Variants in INTS1 observed in about 807,000 individuals in gnomAD.
INTS1 encodes integrator complex subunit 1.
INTS1 carries 137 observed loss-of-function variants against 241.6 expected under a neutral mutation model. The ratio of observed to expected loss-of-function variants is 0.57; its 90% CI spans 0.49 to 0.65. The LOEUF (loss-of-function observed/expected upper bound fraction) is 0.65. Among genes scored for constraint, INTS1 ranks in the 30% least tolerant of loss-of-function variants. INTS1 has a pLI of 0.00. For synonymous variants in INTS1, 1,692 were observed against 1,337.8 expected (o/e 1.26, Z -5.78); for missense variants, 3,073 against 3,032.2 (o/e 1.01, Z -0.32).
In INTS1 at chr7:1,476,007, C is replaced by A. The variant is rs1181195517; in HGVS notation, c.5443G>T (p.Val1815Leu). The change falls in exon 39 of 48, where the codon GTG becomes TTG. Residue 1815 changes from valine (V) to leucine (L), a missense_variant. Physicochemically the swap from Val to Leu is conservative, Grantham distance 32 (BLOSUM62 1). Transcript: ENST00000404767. ...QLYLQRPELR[V>L]PVPEVLLHSE... ...TGCAGTAGGACCTCAGGCACGGGCA[C>A]CCGCAGCTCCGGCCGCTGTAGGTAG... 1.3e-6 allele frequency: 2 copies of A among 1,545,850 alleles called. No homozygotes were observed. Among genetic ancestry groups the A allele is most frequent in the East Asian group, 4.9e-5 (2 of 40,900 alleles).
chr7:1,502,650 G>T (rs1429765487), intron 3 of INTS1, among the ~76,000 whole-genome samples: 2 of 152,184 alleles, frequency 1.3e-5, no homozygotes, highest in Admixed American at 1.3e-4. Flanking sequence ...ACAGACACAT[G>T]AGACAAACAA....
At chr7:1,503,225 T>C (rs781486045) in intron 2 of INTS1, 34 bp from the exon 3 acceptor site, 474 of 1,512,458 alleles carry the variant, frequency 3.1e-4, no homozygotes, top group Non-Finnish European at 3.9e-4. Flanking sequence ...CCGGGCACAT[T>C]TGCAACACCC....
rs1043584312 is a variant in INTS1, at chr7:1,474,283, A to G, written c.5714T>C (p.Leu1905Pro). ...NFQEFRQQNHLSCFLHVLGLL... is the reference protein window; with the variant it reads ...NFQEFRQQNHPSCFLHVLGLL... ...GCCCAGCACGTGCAGGAAGCAGCTC[A>G]GGTGGTTCTGCTGCCGGAACTCCTG... is the stretch of plus-strand genomic sequence containing the variant. Residue 1905 changes from leucine (L) to proline (P), a missense_variant, in exon 41 of 48, where the codon CTG becomes CCG. Leu to Pro is a moderately conservative substitution (Grantham distance 98, BLOSUM62 -3). Coordinates refer to ENST00000404767, the MANE Select transcript of INTS1 (RefSeq NM_001080453.3). The G allele has an allele frequency of 1.0e-4, 166 of 1,608,692 alleles. No individual in the cohort carries two copies. Among genetic ancestry groups the G allele is most frequent in the Non-Finnish European group, 1.4e-4 (160 of 1,179,046 alleles).
Position 1,500,234 on chromosome 7 carries a change from T to G in INTS1, c.482A>C (p.Tyr161Ser), listed in dbSNP as rs1187189679. ...VTRAKPDSTL[Y>S]LSLMYLAKIK... Reference sequence around the variant, plus strand: ...CTTGGCCAGGTACATGAGGCTCAGGTAGAGGGTGCTGTCAGGCTTGGCGCG... The same window carrying G: ...CTTGGCCAGGTACATGAGGCTCAGGGAGAGGGTGCTGTCAGGCTTGGCGCG... Residue 161 changes from tyrosine to serine, a missense_variant, in exon 4 of 48, where the codon TAC (tyrosine) becomes TCC (serine). Transcript: ENST00000404767. 5 of 1,605,302 alleles carry G rather than the reference T, an allele frequency of 3.1e-6. No homozygotes were observed. The highest frequency in any genetic ancestry group is 4.3e-6 in the Non-Finnish European group (5 of 1,175,432).
intron 12 of INTS1, 73 bp from the exon 13 acceptor site, chr7:1,495,626 C>G (rs1782811565): frequency 6.5e-7 from 1 of 1,531,368 alleles, no homozygotes; most frequent in South Asian, 1.2e-5. Flanking sequence ...CCTGGGGGTC[C>G]AACTCAATGC....
chr7:1,499,674 A>G (rs1448613516), intron 5 of INTS1, 42 bp from the exon 6 acceptor site: 5 of 1,560,214 alleles, frequency 3.2e-6, no homozygotes, highest in Non-Finnish European at 4.4e-6. Context: ...CCAGCCGGGC[A>G]GCAGCCAGGT....
At chr7:1,494,722 C>A in intron 14 of INTS1, 94 bp downstream of exon 14, 1 of 1,252,504 alleles carries the variant, frequency 8.0e-7, no homozygotes, top group Non-Finnish European at 1.1e-6. Context: ...AACAGCCGCC[C>A]AACTCCCACT....
At position 1,495,320 on chromosome 7, in the gene INTS1, G is replaced by A. The variant is rs1011497936; in HGVS notation, c.1832+113C>T. On this transcript the variant is annotated intron_variant, in intron 13 of 47. Transcript: ENST00000404767. ...GTGGGGTGTGGGGCAGGGGCTGTGC[G>A]GGGCCTGGCTTGTCCTGGCTCAGTG... 2.0e-4 allele frequency: 253 copies of A among 1,292,578 alleles called. 1 individual carries two copies. Among genetic ancestry groups the A allele is most frequent in the Middle Eastern group, 5.5e-4 (2 of 3,654 alleles). The allele number at this position is 1,292,578 out of a possible 1,614,324, so 80.1% of individuals were successfully genotyped here. A position where few individuals can be genotyped will look rare whatever the true frequency, so the allele number is the denominator to read the frequency against.
chr7:1,471,499 G>A, intron 45 of INTS1, 72 bp downstream of exon 45: 1 of 1,505,092 alleles, frequency 6.6e-7, no homozygotes, highest in South Asian at 1.1e-5. Flanking sequence ...CGCCATGTTG[G>A]GGTGGTGGCC....
At chr7:1,485,495 C>A (rs1454142457) in intron 22 of INTS1, 26 bp from the exon 23 acceptor site, 1 of 1,606,584 alleles carries the variant, frequency 6.2e-7, no homozygotes, top group Non-Finnish European at 8.5e-7. Flanking sequence ...ATGAGCTGGG[C>A]CGGCTTTCGG....
chr7:1,478,068 A>AGAGAGGAGAGTGCAGCCGGGGCCG, intron 33 of INTS1, 132 bp from the exon 34 acceptor site: 3 of 793,554 alleles, frequency 3.8e-6, no homozygotes, highest in South Asian at 1.6e-5. Context: ...AGCCGGAGCC[A>AGAGAGGAGAGTGCAGCCGGGGCCG]GAGAGGAGAG....
chr7:1,491,411 C>T (rs1583140080), intron 16 of INTS1, among the ~76,000 whole-genome samples: 2 of 152,204 alleles, frequency 1.3e-5, no homozygotes, highest in South Asian at 4.1e-4. Flanking sequence ...TGAAGCCGGA[C>T]CCCTGCCTCA....
chr7:1,478,669 T>C (rs1781850704), intron 32 of INTS1, 57 bp downstream of exon 32: 6 of 1,499,210 alleles, frequency 4.0e-6, no homozygotes, highest in South Asian at 1.3e-5. Context: ...TTGGCCACTC[T>C]GAGTGAGCCC....
At chr7:1,484,745 G>A (rs553766945) in intron 24 of INTS1, among the ~76,000 whole-genome samples, 1 of 152,348 alleles carries the variant, frequency 6.6e-6, no homozygotes, top group East Asian at 1.9e-4. Context: ...CGCATCCTCA[G>A]GGTCTGGGGA....
chr7:1,475,818 G>A (rs1781688378), intron 39 of INTS1, 130 bp downstream of exon 39: 1 of 1,172,258 alleles, frequency 8.5e-7, no homozygotes, highest in Non-Finnish European at 1.2e-6. Context: ...GGGCCACAGG[G>A]CGGCGCGGAC....
rs138960419 is a variant in INTS1, at chr7:1,503,344, C to T, written c.59-153G>A. ...GCTCACTCAGCAGCCTACAGCAGAGCTGGGACCAGCAGGATACGCACAGGT... is the reference window on the plus strand; with the variant it reads ...GCTCACTCAGCAGCCTACAGCAGAGTTGGGACCAGCAGGATACGCACAGGT... On this transcript the variant is annotated intron_variant, in intron 2 of 47. Transcript: ENST00000404767. Among the ~76,000 whole-genome samples the T allele has an allele frequency of 1.7e-4, 26 of 152,324 alleles. No homozygotes were observed. In the East Asian group the frequency reaches 5.0e-3, roughly 29 times the overall value.
At chr7:1,494,791 G>A (rs1301265536) in intron 14 of INTS1, 25 bp downstream of exon 14, 3 of 1,550,592 alleles carry the variant, frequency 1.9e-6, no homozygotes, top group Non-Finnish European at 2.6e-6. Context: ...CGGCACACAG[G>A]AGCCCCAGGC....
rs1167794409 is a variant in INTS1 at position 1,495,606 on chromosome 7, C to A, written c.1712-53G>T. 5.1e-6 allele frequency: 8 copies of A among 1,571,318 alleles called. No individual in the cohort carries two copies. In the Admixed American group the frequency reaches 1.5e-4, roughly 29 times the overall value. On this transcript the variant is annotated intron_variant, in intron 12 of 47. Coordinates refer to ENST00000404767, the MANE Select transcript of INTS1 (RefSeq NM_001080453.3). ...CATCCGAGCCATGGGCCATGAGGGG[C>A]TAAGGCACCCCTGGGGGTCCAACTC...
Position 1,477,679 on chromosome 7 carries a change from G to A in INTS1, c.4815-6C>T. The A allele has an allele frequency of 3.8e-6, 6 of 1,598,334 alleles. No homozygotes were observed. The highest frequency in any genetic ancestry group is 1.7e-5 in the Admixed American group (1 of 58,578). ...CCAGCCGCACGGCCTCCAGGCTGCA[G>A]GGAGAAGGTGGCTCAGGGAAGGGCT... On this transcript the variant is annotated splice_polypyrimidine_tract_variant and splice_region_variant and intron_variant, in intron 34 of 47. Coordinates refer to ENST00000404767, the MANE Select transcript of INTS1 (RefSeq NM_001080453.3).
Sources: allele counts gnomAD v4.1 joint callset (sites outside exome capture counted in the v4.1 genomes callset), GRCh38; gene constraint gnomAD v4.1.1; transcripts MANE v1.5; gene names NCBI Gene and HGNC (gene_info 2026-07-23, HGNC 2026-07-21).